ADAM32: variants seen among roughly 807,000 people sequenced by gnomAD.
The protein encoded by ADAM32 is ADAM metallopeptidase domain 32, also known as disintegrin and metalloproteinase domain-containing protein 32.
Under a neutral mutation model 114.9 loss-of-function variants are expected in ADAM32, and 89 were observed. That is an observed-to-expected ratio of 0.77 (90% CI 0.65 to 0.92). The LOEUF is 0.92. ADAM32 is among the 40% of genes least tolerant of loss of function. The pLI, the probability that ADAM32 is intolerant of heterozygous loss-of-function variation, is 0.00. For missense variants in ADAM32, 870 were observed against 932.8 expected, an observed-to-expected ratio of 0.93 and a Z score of 0.88; for synonymous variants, 285 against 307.5, an observed-to-expected ratio of 0.93 and a Z score of 0.77.
intron 19 of ADAM32, among the ~76,000 whole-genome samples, chr8:39,261,647 G>A (rs10103435): frequency 0.077 from 11,693 of 152,104 alleles, 1,549 homozygotes; most frequent in African/African-American, 0.27. Context: ...TCTCCATAGT[G>A]GCTATCCTAG....
intron 17 of ADAM32, among the ~76,000 whole-genome samples, chr8:39,253,117 T>A (rs868155371): frequency 6.6e-6 from 1 of 151,662 alleles, no homozygotes; most frequent in Non-Finnish European, 1.5e-5. Context: ...AGATGGGATT[T>A]ATTCCTGGGA....
chr8:39,190,196 C>T (rs1330531280), intron 11 of ADAM32, among the ~76,000 whole-genome samples: 1 of 152,138 alleles, frequency 6.6e-6, no homozygotes, highest in Non-Finnish European at 1.5e-5. Context: ...ACCTTCTGTT[C>T]CATTCATGTT....
chr8:39,159,437 A>G (rs941703965), intron 6 of ADAM32, among the ~76,000 whole-genome samples: 1 of 152,180 alleles, frequency 6.6e-6, no homozygotes, highest in African/African-American at 2.4e-5. Flanking sequence ...CAGGCAGAGG[A>G]GAAAGCTTAG....
chr8:39,276,558 C>A (rs926059323), intron 22 of ADAM32, among the ~76,000 whole-genome samples: 1 of 152,132 alleles, frequency 6.6e-6, no homozygotes, highest in Non-Finnish European at 1.5e-5. Context: ...CTAGGTTGCT[C>A]CAAGCCCACT....
At chr8:39,279,908 AG>A (rs1390334926) in intron 22 of ADAM32, among the ~76,000 whole-genome samples, 45 of 152,140 alleles carry the variant, frequency 3.0e-4, no homozygotes, top group Non-Finnish European at 1.2e-4. Context: ...AGAGTATTTC[AG>A]GTTTGCCTCT....
At chr8:39,194,964 G>T (rs1806866045) in intron 11 of ADAM32, among the ~76,000 whole-genome samples, 1 of 152,142 alleles carries the variant, frequency 6.6e-6, no homozygotes, top group Non-Finnish European at 1.5e-5. Context: ...GTGGTGGTTG[G>T]GGGCTCTCCT....
chr8:39,257,146 T>G, intron 18 of ADAM32, 41 bp from the exon 19 acceptor site: 1 of 1,489,850 alleles, frequency 6.7e-7, no homozygotes, highest in South Asian at 1.3e-5. Flanking sequence ...AGTAGATAGT[T>G]TAATTTTTTT....
intron 11 of ADAM32, among the ~76,000 whole-genome samples, chr8:39,209,262 G>C (rs115595999): frequency 2.0e-5 from 3 of 151,860 alleles, no homozygotes; most frequent in South Asian, 2.1e-4. Flanking sequence ...TTCTGCTTTC[G>C]AGACCCTCTA....
chr8:39,115,301 A>C (rs1178056532), intron 1 of ADAM32, among the ~76,000 whole-genome samples: 1 of 152,214 alleles, frequency 6.6e-6, no homozygotes, highest in Non-Finnish European at 1.5e-5. Context: ...ACTGCTGGGT[A>C]AAATGGGAGT....
At position 39,150,564 on chromosome 8, in the gene ADAM32, A is replaced by G. The variant is rs186886247; in HGVS notation, c.353+697A>G. ...TATTATCTTGAGCTCTTCAAGAATT[A>G]CTGGGTTTCCTCCTTACGGCTTAGG... On this transcript the variant is annotated intron_variant, in intron 5 of 24. Coordinates refer to ENST00000379907, the MANE Select transcript of ADAM32 (RefSeq NM_145004.7). 3.9e-5 allele frequency among the ~76,000 whole-genome samples: 6 copies of G among 152,286 alleles called. No individual in the cohort carries two copies. The East Asian group carries it at 7.7e-4, about 20-fold the overall frequency.
chr8:39,127,321 G>A (rs1366766904), intron 2 of ADAM32, among the ~76,000 whole-genome samples: 7 of 152,066 alleles, frequency 4.6e-5, no homozygotes, highest in Admixed American at 3.9e-4. Context: ...GATTTTCTTC[G>A]TTGGTAGGCT....
intron 14 of ADAM32, among the ~76,000 whole-genome samples, chr8:39,230,777 A>G (rs1206807320): frequency 6.6e-6 from 1 of 152,218 alleles, no homozygotes; most frequent in Non-Finnish European, 1.5e-5. Context: ...AGGTGCAGGT[A>G]AACAGGAGAA....
intron 23 of ADAM32, among the ~76,000 whole-genome samples, 159 bp downstream of exon 23, chr8:39,281,333 A>C (rs1168729837): frequency 6.6e-6 from 1 of 152,186 alleles, no homozygotes; most frequent in Non-Finnish European, 1.5e-5. Context: ...TTCTACAAGC[A>C]TTAATTAATT....
Position 39,190,516 on chromosome 8 carries a change from G to A in ADAM32, c.1052+3471G>A, listed in dbSNP as rs553172230. 1.4e-4 allele frequency among the ~76,000 whole-genome samples: 21 copies of A among 152,286 alleles called. 1 individual carries two copies. The highest frequency in any genetic ancestry group is 3.4e-3 in the Middle Eastern group (1 of 294). On this transcript the variant is annotated intron_variant, in intron 11 of 24. Coordinates refer to ENST00000379907, the MANE Select transcript of ADAM32 (RefSeq NM_145004.7). ...ATGAATTTACATTCCCACTGACAGC[G>A]TATGAGTTGCCTTTTCTCAACATCA... is the stretch of plus-strand genomic sequence containing the variant.
At chr8:39,255,411 T>G (rs1811592731) in intron 18 of ADAM32, among the ~76,000 whole-genome samples, 1 of 151,980 alleles carries the variant, frequency 6.6e-6, no homozygotes, top group Non-Finnish European at 1.5e-5. Flanking sequence ...ATTTTTAAAT[T>G]ATGACCATTC....
chr8:39,276,374 T>C (rs537315620), intron 22 of ADAM32: 3 of 152,402 alleles, frequency 2.0e-5, no homozygotes, highest in Admixed American at 2.0e-4. Flanking sequence ...TCCCTGTCCA[T>C]TTCCTGAAAG....
intron 23 of ADAM32, among the ~76,000 whole-genome samples, chr8:39,282,797 A>T (rs1272908901): frequency 6.6e-6 from 1 of 152,194 alleles, no homozygotes; most frequent in African/African-American, 2.4e-5. Context: ...TAATGGGTGT[A>T]CATTTCAGTA....
chr8:39,173,917 A>G (rs1805351625), intron 10 of ADAM32, among the ~76,000 whole-genome samples: 2 of 152,020 alleles, frequency 1.3e-5, no homozygotes, highest in Non-Finnish European at 2.9e-5. Flanking sequence ...CTCTGCCTCC[A>G]AGGTTCAAGC....
chr8:39,112,712 A>G (rs1447044561), intron 1 of ADAM32, among the ~76,000 whole-genome samples: 1 of 152,198 alleles, frequency 6.6e-6, no homozygotes, highest in African/African-American at 2.4e-5. Flanking sequence ...CCTTGCCCCC[A>G]AAGTACACAG....
Sources: gnomAD v4.1 joint callset for allele counts (sites outside exome capture counted in the v4.1 genomes callset) on GRCh38, gnomAD v4.1.1 for gene constraint, MANE v1.5 for transcripts, NCBI Gene and HGNC (gene_info 2026-07-23, HGNC 2026-07-21) for gene names.